Variants in EYS observed in about 807,000 individuals in gnomAD.
EYS encodes protein eyes shut homolog.
EYS carries 250 observed loss-of-function variants against 282.1 expected under a neutral mutation model. That is an observed-to-expected ratio of 0.89 (90% CI 0.80 to 0.98). The LOEUF (loss-of-function observed/expected upper bound fraction) is 0.98. Ranked by LOEUF, EYS falls within the 50% of genes least tolerant of loss-of-function variation. The pLI, the probability that EYS is intolerant of heterozygous loss-of-function variation, is 0.00. For missense variants in EYS, 4,016 were observed against 3,709.0 expected (o/e 1.08, Z -2.15); for synonymous variants, 1,355 against 1,282.9 (o/e 1.06, Z -1.20).
At chr6:65,507,855 A>C (rs969314127) in intron 2 of EYS, among the ~76,000 whole-genome samples, 2 of 152,010 alleles carry the variant, frequency 1.3e-5, no homozygotes, top group Admixed American at 1.3e-4. Flanking sequence ...CTTTTTTATT[A>C]GATCTCTTAA....
intron 14 of EYS, among the ~76,000 whole-genome samples, chr6:64,970,358 C>T (rs1270102401): frequency 6.6e-6 from 1 of 152,000 alleles, no homozygotes; most frequent in Non-Finnish European, 1.5e-5. Flanking sequence ...CTCCTATGCC[C>T]GGCTAATTTT....
intron 5 of EYS, among the ~76,000 whole-genome samples, chr6:65,476,293 C>A (rs1434625306): frequency 6.6e-6 from 1 of 152,010 alleles, no homozygotes; most frequent in Non-Finnish European, 1.5e-5. Flanking sequence ...CAGAGTTGGT[C>A]TACCATAGAT....
chr6:64,191,554 C>T (rs556004875), intron 31 of EYS, among the ~76,000 whole-genome samples: 1 of 151,300 alleles, frequency 6.6e-6, no homozygotes, highest in East Asian at 2.0e-4. Flanking sequence ...GTTCAATTCC[C>T]ACCTATGGGT....
chr6:63,783,374 A>G (rs984139719), intron 39 of EYS, among the ~76,000 whole-genome samples: 7 of 152,166 alleles, frequency 4.6e-5, no homozygotes, highest in African/African-American at 1.7e-4. Flanking sequence ...ACACCTGCTG[A>G]CATCTCACTG....
At chr6:64,939,231 T>G (rs896815434) in intron 15 of EYS, among the ~76,000 whole-genome samples, 1 of 151,824 alleles carries the variant, frequency 6.6e-6, no homozygotes, top group Non-Finnish European at 1.5e-5. Flanking sequence ...TCAGAAAATC[T>G]GATTCAGCTA....
Position 65,335,046 on chromosome 6 carries a change from G to T in EYS, c.1700C>A (p.Thr567Lys). The change falls in exon 11 of 43, where the codon ACA (threonine) becomes AAA (lysine). Residue 567 changes from threonine (T) to lysine (K), a missense_variant. Thr to Lys is a moderately conservative substitution (Grantham distance 78). Transcript: ENST00000503581. ...ACACTCATTTTCTTGATCATCAGTT[G>T]TATTTTCCAGATACATGTTGCCAGC... The part of the protein sequence containing the change: ...RWAGNMYLEN[T>K]TDDQENECQH... 1 of 1,611,576 alleles carries T rather than the reference G, an allele frequency of 6.2e-7. No individual in the cohort carries two copies. Among genetic ancestry groups the T allele is most frequent in the Non-Finnish European group, 8.5e-7 (1 of 1,178,482 alleles).
At chr6:65,026,567 G>A (rs915248117) in intron 13 of EYS, among the ~76,000 whole-genome samples, 2 of 152,154 alleles carry the variant, frequency 1.3e-5, no homozygotes, top group Non-Finnish European at 2.9e-5. Flanking sequence ...TGCATTAGGA[G>A]AGCACAGTCC....
intron 24 of EYS, among the ~76,000 whole-genome samples, chr6:64,613,733 A>G (rs1362257634): frequency 6.6e-6 from 1 of 152,058 alleles, no homozygotes; most frequent in Non-Finnish European, 1.5e-5. Context: ...AGGGGAGCCC[A>G]CTCTTAGGGA....
intron 21 of EYS, 110 bp downstream of exon 21, chr6:64,821,535 A>G: frequency 1.7e-6 from 1 of 571,854 alleles, no homozygotes; most frequent in Non-Finnish European, 3.1e-6. Context: ...AGAACAGTTA[A>G]ATCATCAACA....
chr6:65,329,363 C>A lies in EYS; in HGVS notation c.1766+5617G>T, dbSNP rs558259396. The A allele has an allele frequency of 1.0e-4, 92 of 878,000 alleles. 1 individual carries two copies. In the African/African-American group the frequency reaches 1.5e-3, roughly 15 times the overall value. The allele number at this position is 878,000 out of a possible 1,614,324, so 54.4% of individuals were successfully genotyped here. On this transcript the variant is annotated intron_variant, in intron 11 of 42. Transcript: ENST00000503581. ...TACAATGATATGTACTCTAGAATTG[C>A]TTAAATGAATGATTTCTATATCATT...
At chr6:64,311,387 T>C (rs1173815113) in intron 29 of EYS, among the ~76,000 whole-genome samples, 1 of 152,204 alleles carries the variant, frequency 6.6e-6, no homozygotes, top group Non-Finnish European at 1.5e-5. Context: ...TTGCATGGTA[T>C]CTTCATTTAA....
intron 2 of EYS, among the ~76,000 whole-genome samples, chr6:65,614,436 A>G (rs1018118875): frequency 1.4e-4 from 22 of 151,922 alleles, no homozygotes; most frequent in Non-Finnish European, 2.8e-4. Context: ...CCACCTAGCA[A>G]TATCTATGCC....
Position 64,863,267 on chromosome 6 carries a change from G to T in EYS, c.2992+23430C>A, listed in dbSNP as rs1766306630. Among the ~76,000 whole-genome samples, 4 of 152,200 alleles carry T rather than the reference G, an allele frequency of 2.6e-5. No individual in the cohort carries two copies. The South Asian group carries it at 8.3e-4, about 32-fold the overall frequency. On this transcript the variant is annotated intron_variant, in intron 19 of 42. Transcript: ENST00000503581. ...AAGCATATTATATTTTCATTATCAA[G>T]AAATTCTTCTGAGTTCTTTCCCTTT...
At chr6:63,953,272 G>A (rs922535907) in intron 35 of EYS, among the ~76,000 whole-genome samples, 16 of 152,122 alleles carry the variant, frequency 1.1e-4, no homozygotes, top group Admixed American at 9.2e-4. Context: ...CATTACTTCA[G>A]TAAAGCCCTT....
chr6:64,631,598 T>C (rs920509897), intron 22 of EYS: 1 of 152,170 alleles, frequency 6.6e-6, no homozygotes, highest in African/African-American at 2.4e-5. Flanking sequence ...TTAACGATAA[T>C]GCAGAGCCCA....
At chr6:65,579,778 G>C (rs995381621) in intron 2 of EYS, among the ~76,000 whole-genome samples, 1 of 152,052 alleles carries the variant, frequency 6.6e-6, no homozygotes, top group Non-Finnish European at 1.5e-5. Flanking sequence ...TCACACTAAG[G>C]GTAAATGTTG....
At chr6:64,988,647 T>A (rs1770948117) in intron 14 of EYS, among the ~76,000 whole-genome samples, 2 of 151,514 alleles carry the variant, frequency 1.3e-5, no homozygotes, top group Admixed American at 1.3e-4. Context: ...ATAATAATTT[T>A]AAAAAATATT....
At chr6:64,083,066 G>T (rs1277552868) in intron 31 of EYS, among the ~76,000 whole-genome samples, 2 of 151,952 alleles carry the variant, frequency 1.3e-5, no homozygotes, top group Admixed American at 6.6e-5. Flanking sequence ...GTGCCAACAC[G>T]CCTGGCTAAC....
At chr6:65,447,324 ATG>A (rs67586165) in intron 5 of EYS, among the ~76,000 whole-genome samples, 33 of 122,870 alleles carry the variant, frequency 2.7e-4, no homozygotes, top group South Asian at 5.2e-4. Flanking sequence ...GTGTATATAT[ATG>A]TGTGTGTATA....
Sources: gnomAD v4.1 joint callset for allele counts (sites outside exome capture counted in the v4.1 genomes callset) on GRCh38, gnomAD v4.1.1 for gene constraint, MANE v1.5 for transcripts, NCBI Gene and HGNC (gene_info 2026-07-23, HGNC 2026-07-21) for gene names.